Variants in LOXHD1 observed in about 807,000 individuals in gnomAD.
LOXHD1 encodes lipoxygenase homology domain-containing protein 1.
A neutral mutation model predicts 248.2 loss-of-function variants in LOXHD1; 205 were observed. The ratio of observed to expected loss-of-function variants is 0.83; its 90% CI spans 0.74 to 0.93. LOXHD1 has a LOEUF of 0.93. LOXHD1 is among the 40% of genes least tolerant of loss of function. LOXHD1 has a pLI of 0.00. For missense variants in LOXHD1, 2,930 were observed against 2,971.6 expected (o/e 0.99, Z 0.33); for synonymous variants, 1,113 against 1,162.8 (o/e 0.96, Z 0.87).
chr18:46,625,624 T>C (rs2144345025), intron 4 of LOXHD1, among the ~76,000 whole-genome samples: 1 of 152,304 alleles, frequency 6.6e-6, no homozygotes, highest in Admixed American at 6.5e-5. Flanking sequence ...GCTTGCCCTA[T>C]ACCATTCATC....
intron 17 of LOXHD1, among the ~76,000 whole-genome samples, chr18:46,565,612 G>A (rs1261254404): frequency 6.6e-6 from 1 of 152,136 alleles, no homozygotes; most frequent in Admixed American, 6.6e-5. Flanking sequence ...CCGAATCTGA[G>A]GATGCTCAAG....
chr18:46,637,716 C>T lies in LOXHD1; in HGVS notation c.511+1900G>A, dbSNP rs564020728. On this transcript the variant is annotated intron_variant, in intron 4 of 40. Coordinates refer to ENST00000642948, the MANE Select transcript of LOXHD1 (RefSeq NM_001384474.1). ...TAATCAAAGAAAGGACATCAAAAAT[C>T]CCCTTTAATTATCCAACTGGATAAT... Among the ~76,000 whole-genome samples, 29 of 152,176 alleles carry T rather than the reference C, an allele frequency of 1.9e-4. 1 individual carries two copies. Among genetic ancestry groups the T allele is most frequent in the South Asian group, 1.9e-3 (9 of 4,808 alleles).
chr18:46,537,724 A>G (rs898658237), intron 26 of LOXHD1, among the ~76,000 whole-genome samples: 4 of 152,236 alleles, frequency 2.6e-5, no homozygotes, highest in African/African-American at 9.6e-5. Context: ...TTGTTTGACC[A>G]TAGCTTGAGA....
At chr18:46,588,030 G>A (rs1321592896) in intron 12 of LOXHD1, among the ~76,000 whole-genome samples, 2 of 152,062 alleles carry the variant, frequency 1.3e-5, no homozygotes, top group African/African-American at 2.4e-5. Flanking sequence ...CATTTTACGT[G>A]AGTCTAAGAC....
intron 1 of LOXHD1, among the ~76,000 whole-genome samples, chr18:46,649,550 C>T (rs1200139667): frequency 6.6e-6 from 1 of 152,232 alleles, no homozygotes; most frequent in African/African-American, 2.4e-5. Context: ...GGCCCAAAGC[C>T]TCCAGATGCC....
At chr18:46,566,830 T>C (rs868794999) in intron 16 of LOXHD1, among the ~76,000 whole-genome samples, 3 of 152,224 alleles carry the variant, frequency 2.0e-5, no homozygotes, top group Admixed American at 6.5e-5. Flanking sequence ...AATAACTGTG[T>C]TATTGATTTG....
chr18:46,490,118 C>T (rs1598829813), intron 37 of LOXHD1, among the ~76,000 whole-genome samples: 1 of 152,198 alleles, frequency 6.6e-6, no homozygotes, highest in Non-Finnish European at 1.5e-5. Flanking sequence ...TTGAGTTACT[C>T]TCTTCTCTTC....
intron 37 of LOXHD1, among the ~76,000 whole-genome samples, chr18:46,505,024 A>G (rs1251602340): frequency 6.6e-6 from 1 of 152,240 alleles, no homozygotes; most frequent in Non-Finnish European, 1.5e-5. Context: ...TGTTGAGAAC[A>G]TGAACGTCAT....
At chr18:46,585,299 T>C (rs1349249340) in intron 12 of LOXHD1, among the ~76,000 whole-genome samples, 1 of 152,120 alleles carries the variant, frequency 6.6e-6, no homozygotes, top group African/African-American at 2.4e-5. Flanking sequence ...TATAAAATCA[T>C]AAGGAATTCA....
intron 1 of LOXHD1, among the ~76,000 whole-genome samples, chr18:46,656,175 G>A (rs566536249): frequency 4.6e-5 from 7 of 152,306 alleles, no homozygotes; most frequent in African/African-American, 1.7e-4. Flanking sequence ...AGATGACAGG[G>A]AGTGGTGGAG....
In LOXHD1 at chr18:46,593,668, G is replaced by A. The variant is rs749281819; in HGVS notation, c.1363C>T (p.Arg455Trp). The change falls in exon 10 of 41, where the codon CGG (arginine) becomes TGG (tryptophan). Residue 455 changes from arginine to tryptophan, a missense_variant. Physicochemically the swap from Arg to Trp is moderately radical, Grantham distance 101. Transcript: ENST00000642948. Reference protein sequence around the residue: ...IFIQIYGQKGRTDEILLNPNN... With the variant: ...IFIQIYGQKGWTDEILLNPNN... ...GGATTCAGGAGAATCTCATCTGTCC[G>A]CCCCTTCTGCCCATAAATCTGGATG... The A allele has an allele frequency of 4.1e-5, 63 of 1,552,072 alleles. No individual in the cohort carries two copies. The highest frequency in any genetic ancestry group is 5.1e-5 in the Non-Finnish European group (58 of 1,147,110).
chr18:46,649,760 AG>A (rs2039084222), intron 1 of LOXHD1, among the ~76,000 whole-genome samples: 1 of 152,056 alleles, frequency 6.6e-6, no homozygotes, highest in Non-Finnish European at 1.5e-5. Context: ...AGAGCTTTGC[AG>A]GGGGTCCTTC....
Position 46,518,270 on chromosome 18 carries a change from A to G in LOXHD1, c.5272-14T>C. The G allele has an allele frequency of 6.5e-7, 1 of 1,550,214 alleles. No individual in the cohort carries two copies. Among genetic ancestry groups the G allele is most frequent in the Non-Finnish European group, 8.7e-7 (1 of 1,145,770 alleles). On this transcript the variant is annotated splice_polypyrimidine_tract_variant and intron_variant, in intron 33 of 40. Transcript: ENST00000642948. ...TTCATAGAGAACCTGCCATGAGAGGAATGCAGGTGCTGAGTCTCAGCCTCA... is the reference window on the plus strand; with the variant it reads ...TTCATAGAGAACCTGCCATGAGAGGGATGCAGGTGCTGAGTCTCAGCCTCA...
At chr18:46,577,609 G>GT in intron 14 of LOXHD1, 98 bp downstream of exon 14, 1 of 1,390,242 alleles carries the variant, frequency 7.2e-7, no homozygotes, top group Non-Finnish European at 9.8e-7. Context: ...TTAAGCCACT[G>GT]TTTTGCTTGC....
At chr18:46,547,101 A>G (rs1286245861) in intron 21 of LOXHD1, 43 bp from the exon 22 acceptor site, 2 of 1,550,832 alleles carry the variant, frequency 1.3e-6, no homozygotes, top group South Asian at 1.2e-5. Flanking sequence ...CCTCTTAGAA[A>G]GGTCTCGTCC....
At chr18:46,640,087 A>T (rs180910853) in intron 3 of LOXHD1, among the ~76,000 whole-genome samples, 5 of 152,140 alleles carry the variant, frequency 3.3e-5, no homozygotes, top group Non-Finnish European at 5.9e-5. Context: ...GATCATCTTG[A>T]TCTTCCCCTT....
At chr18:46,490,206 T>A (rs2033365378) in intron 37 of LOXHD1, among the ~76,000 whole-genome samples, 1 of 152,166 alleles carries the variant, frequency 6.6e-6, no homozygotes, top group African/African-American at 2.4e-5. Flanking sequence ...TACTTGCTGC[T>A]CATTATATGT....
chr18:46,542,769 G>C lies in LOXHD1; in HGVS notation c.3706C>G (p.Leu1236Val). 6.4e-7 allele frequency: 1 copy of C among 1,551,658 alleles called. No individual in the cohort carries two copies. The highest frequency in any genetic ancestry group is 8.7e-7 in the Non-Finnish European group (1 of 1,146,982). ...AGCCGGACTTTCCACAGGTCTCCCA[G>C]ATCCAGCGTCTCCACCGTGAAGATT... The part of the protein sequence containing the change: ...IEIFTVETLD[L>V]GDLWKVRLGH... The change falls in exon 24 of 41, where the codon CTG becomes GTG. Residue 1236 changes from leucine to valine, a missense_variant. Coordinates refer to ENST00000642948, the MANE Select transcript of LOXHD1 (RefSeq NM_001384474.1).
intron 37 of LOXHD1, among the ~76,000 whole-genome samples, chr18:46,493,412 T>A (rs1447436404): frequency 1.3e-5 from 2 of 152,268 alleles, no homozygotes; most frequent in African/African-American, 4.8e-5. Flanking sequence ...ATAGTTTGTC[T>A]TCTTCCACTA....
Sources: gnomAD v4.1 joint callset for allele counts (sites outside exome capture counted in the v4.1 genomes callset) on GRCh38, gnomAD v4.1.1 for gene constraint, MANE v1.5 for transcripts, NCBI Gene and HGNC (gene_info 2026-07-23, HGNC 2026-07-21) for gene names.